Variants in DPYSL3 observed in about 807,000 individuals in gnomAD.
DPYSL3 encodes dihydropyrimidinase like 3.
A neutral mutation model predicts 66.1 loss-of-function variants in DPYSL3; 16 were observed. The ratio of observed to expected loss-of-function variants is 0.24; its 90% CI spans 0.16 to 0.37. DPYSL3 has a LOEUF of 0.37. DPYSL3 is among the 10% of genes least tolerant of loss of function. DPYSL3 has a pLI of 1.00. For synonymous variants in DPYSL3, 338 were observed against 345.1 expected (o/e 0.98, Z 0.23); for missense variants, 738 against 916.2 (o/e 0.81, Z 2.51).
At chr5:147,424,732 C>A in intron 2 of DPYSL3, 143 bp downstream of exon 2, 1 of 596,914 alleles carries the variant, frequency 1.7e-6, no homozygotes. Context: ...ACTTTCTGCC[C>A]AAATTTGCCC....
chr5:147,461,559 A>T (rs1752931674), intron 1 of DPYSL3, among the ~76,000 whole-genome samples: 1 of 152,134 alleles, frequency 6.6e-6, no homozygotes, highest in Non-Finnish European at 1.5e-5. Context: ...TGAGACAAAG[A>T]ATTTCAGGTA....
intron 1 of DPYSL3, among the ~76,000 whole-genome samples, chr5:147,460,544 T>C (rs1316694625): frequency 6.6e-6 from 1 of 152,110 alleles, no homozygotes. Context: ...ATTCAGGCAG[T>C]CCCAGTGTAA....
intron 1 of DPYSL3, among the ~76,000 whole-genome samples, chr5:147,429,169 T>G (rs1341407519): frequency 6.6e-6 from 1 of 152,160 alleles, no homozygotes; most frequent in Non-Finnish European, 1.5e-5. Flanking sequence ...TGTGGTAATC[T>G]GAAGGGTTTC....
At chr5:147,423,928 G>A (rs1472611734) in intron 2 of DPYSL3, among the ~76,000 whole-genome samples, 2 of 152,128 alleles carry the variant, frequency 1.3e-5, no homozygotes, top group Non-Finnish European at 2.9e-5. Context: ...ATGTTGCCCA[G>A]GCTGATCTCA....
chr5:147,470,460 C>G (rs1753069847), intron 1 of DPYSL3, among the ~76,000 whole-genome samples: 1 of 152,102 alleles, frequency 6.6e-6, no homozygotes, highest in Non-Finnish European at 1.5e-5. Context: ...CTCCCTCTGT[C>G]TGGACCAACC....
intron 1 of DPYSL3, among the ~76,000 whole-genome samples, chr5:147,427,239 T>G (rs1002029734): frequency 6.6e-6 from 1 of 152,230 alleles, no homozygotes; most frequent in African/African-American, 2.4e-5. Context: ...GCAAGTTAGT[T>G]GGAAAAATAA....
At chr5:147,459,013 TA>T (rs749951350) in intron 1 of DPYSL3, among the ~76,000 whole-genome samples, 5 of 151,814 alleles carry the variant, frequency 3.3e-5, no homozygotes, top group Non-Finnish European at 7.4e-5. Context: ...TAAACTTATT[TA>T]TGCCAGGAAC....
chr5:147,482,934 T>A (rs917958635), intron 1 of DPYSL3, among the ~76,000 whole-genome samples: 1 of 152,178 alleles, frequency 6.6e-6, no homozygotes, highest in African/African-American at 2.4e-5. Flanking sequence ...AAGGAGGAAC[T>A]GTCAAACTCT....
intron 7 of DPYSL3, 155 bp from the exon 8 acceptor site, chr5:147,405,885 C>A: frequency 1.1e-6 from 1 of 882,724 alleles, no homozygotes; most frequent in Non-Finnish European, 1.7e-6. Flanking sequence ...CATCTCAGAT[C>A]TACCACTTCC....
intron 3 of DPYSL3, among the ~76,000 whole-genome samples, chr5:147,417,611 T>C (rs146766363): frequency 1.1e-4 from 17 of 152,272 alleles, no homozygotes; most frequent in African/African-American, 4.1e-4. Flanking sequence ...CTGACCAAGT[T>C]TGGGGCCAGC....
At chr5:147,499,837 T>C (rs1753576451) in intron 1 of DPYSL3, among the ~76,000 whole-genome samples, 2 of 152,186 alleles carry the variant, frequency 1.3e-5, no homozygotes, top group African/African-American at 4.8e-5. Flanking sequence ...AGTACAATCT[T>C]GGTAAAAGAA....
intron 8 of DPYSL3, among the ~76,000 whole-genome samples, chr5:147,402,230 A>G (rs986408599): frequency 6.6e-6 from 1 of 152,238 alleles, no homozygotes; most frequent in African/African-American, 2.4e-5. Context: ...GTAGGGGCCC[A>G]AAGTCCCAAA....
intron 5 of DPYSL3, 28 bp from the exon 6 acceptor site, chr5:147,412,716 C>G (rs1249672490): frequency 1.9e-6 from 3 of 1,591,676 alleles, no homozygotes; most frequent in Non-Finnish European, 2.6e-6. Context: ...CTTTGTCACT[C>G]TTGCAAGCAC....
intron 1 of DPYSL3, among the ~76,000 whole-genome samples, chr5:147,445,273 GT>G (rs1561791030): frequency 6.6e-6 from 1 of 152,212 alleles, no homozygotes; most frequent in Non-Finnish European, 1.5e-5. Flanking sequence ...TCTGGCACAT[GT>G]GCCCAGGTCA....
At chr5:147,451,219 T>C (rs1752722291) in intron 1 of DPYSL3, among the ~76,000 whole-genome samples, 1 of 152,200 alleles carries the variant, frequency 6.6e-6, no homozygotes, top group Non-Finnish European at 1.5e-5. Context: ...GCCCTTCCTT[T>C]TCATCCCCTT....
rs755038611 is a variant in DPYSL3 at position 147,444,028 on chromosome 5, T to C, written c.382-19065A>G. ...CATAACCTACACCACTCATACCTTA[T>C]AGGAAACAGGTGCAGAGAAGGACTT... On this transcript the variant is annotated intron_variant, in intron 1 of 13. Transcript: ENST00000343218. Among the ~76,000 whole-genome samples, 30 of 152,064 alleles carry C rather than the reference T, an allele frequency of 2.0e-4. 1 individual carries two copies. Among genetic ancestry groups the C allele is most frequent in the Non-Finnish European group, 3.5e-4 (24 of 68,008 alleles).
chr5:147,478,027 T>C (rs1191011379), intron 1 of DPYSL3, among the ~76,000 whole-genome samples: 1 of 152,208 alleles, frequency 6.6e-6, no homozygotes, highest in African/African-American at 2.4e-5. Flanking sequence ...TCATGTCTCT[T>C]GTATCTTACA....
chr5:147,418,972 G>C (rs1752030491), intron 2 of DPYSL3, among the ~76,000 whole-genome samples: 1 of 152,058 alleles, frequency 6.6e-6, no homozygotes, highest in Non-Finnish European at 1.5e-5. Flanking sequence ...TGTTCTTTAA[G>C]TTAAGGTGAG....
chr5:147,442,862 TG>T (rs1752559867), intron 1 of DPYSL3, among the ~76,000 whole-genome samples: 1 of 151,874 alleles, frequency 6.6e-6, no homozygotes, highest in Non-Finnish European at 1.5e-5. Context: ...AAAATCTAGA[TG>T]GGTATACTGA....
Sources: gnomAD v4.1 joint callset for allele counts (sites outside exome capture counted in the v4.1 genomes callset) on GRCh38, gnomAD v4.1.1 for gene constraint, MANE v1.5 for transcripts, NCBI Gene and HGNC (gene_info 2026-07-23, HGNC 2026-07-21) for gene names.